Variants in IFFO2 observed in about 807,000 individuals in gnomAD.
IFFO2 encodes intermediate filament family orphan 2.
A neutral mutation model predicts 53.5 loss-of-function variants in IFFO2; 19 were observed. That is an observed-to-expected ratio of 0.36 (90% CI 0.25 to 0.52). The LOEUF is 0.52. Among genes scored for constraint, IFFO2 ranks in the 20% least tolerant of loss-of-function variants. The pLI, the probability that IFFO2 is intolerant of heterozygous loss-of-function variation, is 0.94. For synonymous variants in IFFO2, 303 were observed against 313.6 expected, an observed-to-expected ratio of 0.97 and a Z score of 0.36; for missense variants, 570 against 727.4, an observed-to-expected ratio of 0.78 and a Z score of 2.49.
intron 5 of IFFO2, among the ~76,000 whole-genome samples, chr1:18,914,440 C>T (rs969677713): frequency 2.0e-5 from 3 of 152,272 alleles, no homozygotes; most frequent in Admixed American, 1.3e-4. Flanking sequence ...CTGGGATCTC[C>T]GGGACATACA....
intron 8 of IFFO2, among the ~76,000 whole-genome samples, chr1:18,908,977 G>A (rs1195292660): frequency 2.6e-5 from 4 of 151,988 alleles, no homozygotes; most frequent in Non-Finnish European, 5.9e-5. Context: ...TAGGTGCTAA[G>A]TAAAACCTGA....
intron 1 of IFFO2, among the ~76,000 whole-genome samples, chr1:18,948,616 G>A (rs757766629): frequency 4.6e-5 from 7 of 152,232 alleles, no homozygotes; most frequent in African/African-American, 9.6e-5. Flanking sequence ...CACTCCCCTC[G>A]TGGGCAGGCG....
chr1:18,952,400 T>C (rs1936670036), intron 1 of IFFO2, among the ~76,000 whole-genome samples: 1 of 152,164 alleles, frequency 6.6e-6, no homozygotes, highest in Admixed American at 6.5e-5. Flanking sequence ...TGTGGACCAC[T>C]GATGGCACAT....
chr1:18,938,428 G>T (rs2148183759), intron 1 of IFFO2, among the ~76,000 whole-genome samples: 1 of 152,316 alleles, frequency 6.6e-6, no homozygotes, highest in African/African-American at 2.4e-5. Context: ...CCCCTTAGAG[G>T]CTCTGTCTCT....
intron 1 of IFFO2, among the ~76,000 whole-genome samples, chr1:18,937,609 C>T (rs1330489896): frequency 6.6e-6 from 1 of 152,242 alleles, no homozygotes; most frequent in Non-Finnish European, 1.5e-5. Flanking sequence ...CCTTCCATGA[C>T]TGCAAAGCCC....
At position 18,916,937 on chromosome 1, in the gene IFFO2, T is replaced by C; in HGVS notation, c.1069A>G (p.Ile357Val). ...AACATGCGCTTCATCTCATCGGTGA[T>C]GTTCATGGAGCCGACCTCATCGTCC... is the stretch of plus-strand genomic sequence containing the variant. ...FSDDEVGSMN[I>V]TDEMKRMFNQ... The change falls in exon 5 of 9, where the codon ATC becomes GTC. Residue 357 changes from isoleucine (I) to valine (V), a missense_variant. Physicochemically the swap from Ile to Val is conservative, Grantham distance 29. Transcript: ENST00000455833. The surrounding 1 kb of genome is among the most constrained non-coding windows in gnomAD (Gnocchi z 4.3). 1 of 1,551,924 alleles carries C rather than the reference T, an allele frequency of 6.4e-7. No homozygotes were observed. Among genetic ancestry groups the C allele is most frequent in the Non-Finnish European group, 8.7e-7 (1 of 1,147,056 alleles).
At chr1:18,929,323 G>A (rs1936342220) in intron 1 of IFFO2, among the ~76,000 whole-genome samples, 1 of 152,212 alleles carries the variant, frequency 6.6e-6, no homozygotes, top group Admixed American at 6.5e-5. Flanking sequence ...CTCTTCACCG[G>A]TGTCACCCTG....
chr1:18,920,560 G>A (rs1936202783), intron 2 of IFFO2, among the ~76,000 whole-genome samples: 1 of 152,242 alleles, frequency 6.6e-6, no homozygotes, highest in Non-Finnish European at 1.5e-5. Context: ...GCAGAGCCCA[G>A]AATGCAGAGA....
chr1:18,920,318 A>C (rs1228986006), intron 2 of IFFO2, among the ~76,000 whole-genome samples: 1 of 152,242 alleles, frequency 6.6e-6, no homozygotes, highest in Non-Finnish European at 1.5e-5. Context: ...TTATAAAAGA[A>C]AGGGAGATAT....
intron 1 of IFFO2, among the ~76,000 whole-genome samples, chr1:18,953,280 G>A (rs1936681355): frequency 6.6e-6 from 1 of 152,152 alleles, no homozygotes; most frequent in South Asian, 2.1e-4. Flanking sequence ...AAGACCCTTT[G>A]AGATCATCTA....
intron 5 of IFFO2, among the ~76,000 whole-genome samples, chr1:18,915,768 G>A (rs919355176): frequency 3.3e-5 from 5 of 152,272 alleles, no homozygotes; most frequent in South Asian, 2.1e-4. Context: ...CAAGCCGTGC[G>A]GTCAACACAG....
intron 1 of IFFO2, among the ~76,000 whole-genome samples, chr1:18,949,424 G>C (rs1936630936): frequency 6.6e-6 from 1 of 152,228 alleles, no homozygotes. Flanking sequence ...AGAAAGTCAG[G>C]AAAAAGCAAC....
At chr1:18,912,257 C>A (rs1016719318) in intron 5 of IFFO2, among the ~76,000 whole-genome samples, 174 bp from the exon 6 acceptor site, 2 of 152,052 alleles carry the variant, frequency 1.3e-5, no homozygotes, top group Non-Finnish European at 2.9e-5. Context: ...GAGTTTAACT[C>A]TTTTAAAATG....
rs558478465 is a variant in IFFO2, at chr1:18,949,022, G to A, written c.665+6646C>T. Among the ~76,000 whole-genome samples the A allele has an allele frequency of 1.0e-3, 153 of 152,320 alleles. No individual in the cohort carries two copies. In the Middle Eastern group the frequency reaches 0.014, roughly 14 times the overall value. ...CTCGGCTTTTAACTCCTGCCCTGGGGCCCCAGCACCCTGCACTGCCAGGCT... is the reference window on the plus strand; with the variant it reads ...CTCGGCTTTTAACTCCTGCCCTGGGACCCCAGCACCCTGCACTGCCAGGCT... On this transcript the variant is annotated intron_variant, in intron 1 of 8. Transcript: ENST00000455833.
chr1:18,923,537 C>T (rs960177040), intron 1 of IFFO2, among the ~76,000 whole-genome samples: 2 of 152,240 alleles, frequency 1.3e-5, no homozygotes, highest in Non-Finnish European at 2.9e-5. Context: ...CTGCCTTGGA[C>T]ACACACATCA....
chr1:18,922,984 TG>T (rs914349482), intron 1 of IFFO2, among the ~76,000 whole-genome samples: 1 of 151,782 alleles, frequency 6.6e-6, no homozygotes, highest in African/African-American at 2.4e-5. Flanking sequence ...GGGGCTTCTC[TG>T]GGGGGTAAAG....
In IFFO2 at chr1:18,948,271, C is replaced by T. The variant is rs533780319; in HGVS notation, c.665+7397G>A. ...AGCAGAACTCGTAAGAAACCACACCCCCATTGTACAGAGCGACAAACTGAG... is the reference window on the plus strand; with the variant it reads ...AGCAGAACTCGTAAGAAACCACACCTCCATTGTACAGAGCGACAAACTGAG... On this transcript the variant is annotated intron_variant, in intron 1 of 8. Transcript: ENST00000455833. Among the ~76,000 whole-genome samples the T allele has an allele frequency of 9.9e-4, 151 of 152,346 alleles. 2 individuals are homozygous for T. The South Asian group carries it at 0.03, about 30-fold the overall frequency.
At chr1:18,926,098 ATGGATTGGT>A (rs1275399442) in intron 1 of IFFO2, among the ~76,000 whole-genome samples, 4 of 94,056 alleles carry the variant, frequency 4.3e-5, no homozygotes, top group African/African-American at 1.9e-4. Flanking sequence ...GGATGGATGG[ATGGATTGGT>A]TGGATGGATA....
rs1223623732 is a variant in IFFO2 at position 18,917,012 on chromosome 1, C to T, written c.994G>A (p.Ala332Thr). 6.4e-7 allele frequency: 1 copy of T among 1,552,252 alleles called. No individual in the cohort carries two copies. The highest frequency in any genetic ancestry group is 1.2e-5 in the South Asian group (1 of 84,058). Residue 332 changes from alanine to threonine, a missense_variant, in exon 5 of 9, where the codon GCT (alanine) becomes ACT (threonine). Physicochemically the swap from Ala to Thr is moderately conservative, Grantham distance 58. Coordinates refer to ENST00000455833, the MANE Select transcript of IFFO2 (RefSeq NM_001136265.2). This position sits in a 1 kb window ranked among gnomAD's most constrained non-coding sequence, Gnocchi z 5.9. ...VVPKKKERKV[A>T]SDDDISEQDG... ...TGCTCAGAGATGTCATCATCGGAAG[C>T]CACCTTACGCTCTTTCTTTTTGGGG...
Sources: allele counts gnomAD v4.1 joint callset (sites outside exome capture counted in the v4.1 genomes callset), GRCh38; gene constraint gnomAD v4.1.1; non-coding constraint Gnocchi (gnomAD v3.1); transcripts MANE v1.5; gene names NCBI Gene and HGNC (gene_info 2026-07-23, HGNC 2026-07-21).